The following RRBP1 variants were observed in gnomAD, a reference collection of about 807,000 sequenced individuals.
RRBP1 encodes ribosome binding protein 1, also known as ribosome-binding protein 1.
RRBP1 carries 94 observed loss-of-function variants against 165.2 expected under a neutral mutation model. The ratio of observed to expected loss-of-function variants is 0.57; its 90% CI spans 0.48 to 0.68. The LOEUF (loss-of-function observed/expected upper bound fraction) is 0.68, where lower values mean the gene tolerates loss of function less well. Among genes scored for constraint, RRBP1 ranks in the 30% least tolerant of loss-of-function variants. RRBP1 has a pLI of 0.00. For synonymous variants in RRBP1, 680 were observed against 714.5 expected, an observed-to-expected ratio of 0.95 and a Z score of 0.77; for missense variants, 1,676 against 1,763.0, an observed-to-expected ratio of 0.95 and a Z score of 0.88.
At chr20:17,640,201 T>C (rs1194507952) in intron 5 of RRBP1, among the ~76,000 whole-genome samples, 1 of 152,142 alleles carries the variant, frequency 6.6e-6, no homozygotes, top group African/African-American at 2.4e-5. Context: ...AGCCAGGTGA[T>C]GCCTAACTGT....
intron 20 of RRBP1, 44 bp downstream of exon 20, chr20:17,618,552 G>T (rs1302295585): frequency 2.1e-6 from 3 of 1,427,548 alleles, no homozygotes; most frequent in Admixed American, 1.7e-5. Flanking sequence ...CACACGCAAC[G>T]CCCCAGGTCA....
At chr20:17,616,964 T>C (rs2035813795) in intron 20 of RRBP1, 125 bp from the exon 21 acceptor site, 2 of 817,942 alleles carry the variant, frequency 2.4e-6, no homozygotes, top group East Asian at 2.6e-5. Context: ...TCAGGGGACC[T>C]GGCTTGGTAA....
intron 5 of RRBP1, among the ~76,000 whole-genome samples, chr20:17,637,378 A>AG (rs2036267477): frequency 6.6e-6 from 1 of 152,118 alleles, no homozygotes; most frequent in Admixed American, 6.5e-5. Context: ...GTCATCCCAG[A>AG]GGGATGGCCT....
At chr20:17,671,402 G>A (rs2036976570) in intron 2 of RRBP1, among the ~76,000 whole-genome samples, 1 of 152,194 alleles carries the variant, frequency 6.6e-6, no homozygotes, top group African/African-American at 2.4e-5. Flanking sequence ...GGATAAAGGT[G>A]CAGTCCTTCA....
chr20:17,618,547 G>A (rs759038463), intron 20 of RRBP1, 49 bp downstream of exon 20: 19 of 1,384,594 alleles, frequency 1.4e-5, no homozygotes, highest in South Asian at 3.5e-5. Context: ...TCTCACACAC[G>A]CAACGCCCCA....
At chr20:17,633,691 TCCAGCTCTCTTGTAAGTAAGCAGTTGC>T in intron 7 of RRBP1, 78 bp from the exon 8 acceptor site, 2 of 1,455,212 alleles carry the variant, frequency 1.4e-6, no homozygotes, top group Non-Finnish European at 1.9e-6. Flanking sequence ...CCTCCAGGAC[TCCAGCTCTCTTGTAAGTAAGCAGTTGC>T]CCAAGTCTTG....
intron 3 of RRBP1, among the ~76,000 whole-genome samples, chr20:17,657,977 A>T (rs888006175): frequency 2.0e-5 from 3 of 152,234 alleles, no homozygotes; most frequent in Non-Finnish European, 4.4e-5. Flanking sequence ...GGCTGACAGA[A>T]CGCAGCCAGA....
chr20:17,642,954 A>C, intron 4 of RRBP1, 25 bp downstream of exon 4: 1 of 1,610,020 alleles, frequency 6.2e-7, no homozygotes. Flanking sequence ...GCCTCTGAGC[A>C]TGGCCAGCAG....
intron 2 of RRBP1, 70 bp from the exon 3 acceptor site, chr20:17,660,598 C>T: frequency 1.1e-6 from 1 of 906,560 alleles, no homozygotes; most frequent in Non-Finnish European, 1.7e-6. Context: ...CCCCACCCTA[C>T]CACCAAACTT....
chr20:17,645,218 C>T (rs559965843), intron 3 of RRBP1, among the ~76,000 whole-genome samples: 9 of 152,304 alleles, frequency 5.9e-5, no homozygotes, highest in African/African-American at 2.2e-4. Flanking sequence ...CGCTCTAGGA[C>T]GCCGCTTCCT....
At chr20:17,665,351 T>C (rs1209635297) in intron 2 of RRBP1, among the ~76,000 whole-genome samples, 2 of 152,230 alleles carry the variant, frequency 1.3e-5, no homozygotes, top group Non-Finnish European at 2.9e-5. Context: ...AATATTCATA[T>C]AGATACACAT....
intron 13 of RRBP1, 69 bp downstream of exon 13, chr20:17,624,507 C>A (rs377226961): frequency 2.0e-6 from 2 of 1,024,102 alleles, no homozygotes; most frequent in Non-Finnish European, 3.0e-6. Flanking sequence ...TGCATCTGTA[C>A]GTCTTAGTGC....
Position 17,620,815 on chromosome 20 carries a change from GA to G in RRBP1, c.3415-9del, listed in dbSNP as rs763323926. The G allele has an allele frequency of 6.3e-7, 1 of 1,596,940 alleles. No homozygotes were observed. The highest frequency in any genetic ancestry group is 1.1e-5 in the South Asian group (1 of 90,572). On this transcript the variant is annotated splice_polypyrimidine_tract_variant and intron_variant, in intron 16 of 24. Transcript: ENST00000377813. Reference sequence around the variant, plus strand: ...GTCTCTGAGCATGCCCTCCTGGGGGGAAACCGAGGTGAGGCAGGGCCCTCTC... The same window carrying G: ...GTCTCTGAGCATGCCCTCCTGGGGGGAACCGAGGTGAGGCAGGGCCCTCTC...
intron 11 of RRBP1, among the ~76,000 whole-genome samples, chr20:17,626,992 ACCT>A (rs1170011854): frequency 6.6e-6 from 1 of 152,030 alleles, no homozygotes; most frequent in African/African-American, 2.4e-5. Flanking sequence ...AGAGTTCCTG[ACCT>A]CAGCCCCTAA....
intron 9 of RRBP1, among the ~76,000 whole-genome samples, chr20:17,628,268 C>T (rs545314083): frequency 6.6e-6 from 1 of 152,296 alleles, no homozygotes; most frequent in South Asian, 2.1e-4. Flanking sequence ...CTGCCATCTG[C>T]CTCTTCTAAA....
At chr20:17,648,090 C>T (rs917404142) in intron 3 of RRBP1, among the ~76,000 whole-genome samples, 1 of 152,222 alleles carries the variant, frequency 6.6e-6, no homozygotes, top group African/African-American at 2.4e-5. Flanking sequence ...CCCATTCCTG[C>T]TGACCCAAAG....
At chr20:17,651,776 T>C (rs1156884906) in intron 3 of RRBP1, among the ~76,000 whole-genome samples, 9 of 152,210 alleles carry the variant, frequency 5.9e-5, no homozygotes, top group Admixed American at 5.9e-4. Flanking sequence ...AATAATAAAT[T>C]GTAAAAGGCA....
rs1393099086 is a variant in RRBP1 at position 17,614,145 on chromosome 20, T to C, written c.*37A>G. Reference sequence around the variant, plus strand: ...GTAAGGAATGTGTAAGGCATTTTGGTAAGTTGAACAGTAACTTCTTTTTCC... The same window carrying C: ...GTAAGGAATGTGTAAGGCATTTTGGCAAGTTGAACAGTAACTTCTTTTTCC... On this transcript the variant is annotated 3_prime_UTR_variant, in exon 25 of 25. Coordinates refer to ENST00000377813, the MANE Select transcript of RRBP1 (RefSeq NM_001365613.2). The C allele has an allele frequency of 1.2e-6, 2 of 1,608,504 alleles. No homozygotes were observed. The highest frequency in any genetic ancestry group is 1.7e-6 in the Non-Finnish European group (2 of 1,174,898).
chr20:17,620,583 T>C (rs2035893184), intron 17 of RRBP1, 132 bp downstream of exon 17: 1 of 808,748 alleles, frequency 1.2e-6, no homozygotes, highest in Admixed American at 2.0e-5. Context: ...CCCGCAACTG[T>C]GCTTCATAGG....
Sources: allele counts gnomAD v4.1 joint callset (sites outside exome capture counted in the v4.1 genomes callset), GRCh38; gene constraint gnomAD v4.1.1; transcripts MANE v1.5; gene names NCBI Gene and HGNC (gene_info 2026-07-23, HGNC 2026-07-21).